The following FAM174A variants were observed in gnomAD, a reference collection of about 807,000 sequenced individuals.
FAM174A encodes the protein family with sequence similarity 174 member A.
In FAM174A, 14 loss-of-function variants were observed where a neutral mutation model predicts 14.3. That is an observed-to-expected ratio of 0.98 (90% CI 0.65 to 1.53). The LOEUF (loss-of-function observed/expected upper bound fraction) is 1.53, where lower values mean the gene tolerates loss of function less well. FAM174A is among the 40% of genes most tolerant of loss of function. FAM174A has a pLI of 0.00. For missense variants in FAM174A, 241 were observed against 249.6 expected (o/e 0.97, Z 0.23); for synonymous variants, 108 against 111.4 (o/e 0.97, Z 0.19).
At chr5:100,573,962 T>C (rs933163636) in intron 2 of FAM174A, among the ~76,000 whole-genome samples, 1 of 152,138 alleles carries the variant, frequency 6.6e-6, no homozygotes, top group Non-Finnish European at 1.5e-5. Flanking sequence ...CCTGAGGGTT[T>C]TTTTTTCTTA....
intron 2 of FAM174A, among the ~76,000 whole-genome samples, chr5:100,578,344 T>C (rs1746943128): frequency 6.6e-6 from 1 of 152,176 alleles, no homozygotes; most frequent in Non-Finnish European, 1.5e-5. Context: ...CCAATTTGCC[T>C]GCCAAATAAT....
rs1473061860 is a variant in FAM174A, at chr5:100,535,703, C to T, written c.173C>T (p.Pro58Leu). The T allele has an allele frequency of 1.2e-6, 2 of 1,607,674 alleles. No homozygotes were observed. The highest frequency in any genetic ancestry group is 1.7e-6 in the Non-Finnish European group (2 of 1,178,328). The change falls in exon 1 of 3, where the codon CCG becomes CTG. Residue 58 changes from proline to leucine, a missense_variant. Transcript: ENST00000312637. ...PRPRTLPPLP[P>L]GPTPAQQPGR... is the part of the protein sequence containing the mutation. ...CCACGGACATTACCGCCGCTGCCAC[C>T]GGGCCCTACCCCTGCCCAGCAGCCG...
intron 2 of FAM174A, among the ~76,000 whole-genome samples, chr5:100,572,484 G>A (rs372496575): frequency 2.1e-5 from 3 of 142,642 alleles, no homozygotes; most frequent in East Asian, 4.1e-4. Flanking sequence ...TCCCACCTAT[G>A]AGTGAGAATA....
chr5:100,559,200 T>C (rs932713482), intron 1 of FAM174A, among the ~76,000 whole-genome samples: 2 of 152,184 alleles, frequency 1.3e-5, no homozygotes, highest in African/African-American at 4.8e-5. Flanking sequence ...TTTATGAAGC[T>C]TAGTTTGGCT....
At chr5:100,553,596 A>T (rs1391453871) in intron 1 of FAM174A, among the ~76,000 whole-genome samples, 2 of 152,224 alleles carry the variant, frequency 1.3e-5, no homozygotes, top group East Asian at 3.9e-4. Flanking sequence ...TACATATACT[A>T]AAACAGTAAA....
intron 2 of FAM174A, among the ~76,000 whole-genome samples, chr5:100,574,073 C>A (rs544321956): frequency 1.3e-5 from 2 of 152,244 alleles, no homozygotes; most frequent in South Asian, 4.1e-4. Flanking sequence ...ATAAACCAAT[C>A]ATTATTTTTA....
chr5:100,535,708 C>G lies in FAM174A; in HGVS notation c.178C>G (p.Pro60Ala), dbSNP rs779806256. 6.2e-7 allele frequency: 1 copy of G among 1,607,206 alleles called. No individual in the cohort carries two copies. The highest frequency in any genetic ancestry group is 8.5e-7 in the Non-Finnish European group (1 of 1,178,138). ...PRTLPPLPPG[P>A]TPAQQPGRGL... is the part of the protein sequence containing the mutation. Reference sequence around the variant, plus strand: ...GACATTACCGCCGCTGCCACCGGGCCCTACCCCTGCCCAGCAGCCGGGCCG... The same window carrying G: ...GACATTACCGCCGCTGCCACCGGGCGCTACCCCTGCCCAGCAGCCGGGCCG... Residue 60 changes from proline to alanine, a missense_variant, in exon 1 of 3, where the codon CCT becomes GCT. By Grantham distance (27) the Pro-to-Ala change is conservative. Transcript: ENST00000312637.
chr5:100,540,658 C>CT (rs145585039), intron 1 of FAM174A, among the ~76,000 whole-genome samples: 2,907 of 152,190 alleles, frequency 0.019, 168 homozygotes, highest in Admixed American at 0.12. Flanking sequence ...AGTTAGTTTG[C>CT]TATGTGGTCA....
intron 1 of FAM174A, among the ~76,000 whole-genome samples, chr5:100,543,398 G>A (rs1336274749): frequency 6.6e-6 from 1 of 152,178 alleles, no homozygotes; most frequent in African/African-American, 2.4e-5. Flanking sequence ...GATTACAGGT[G>A]TGAGCCACTT....
chr5:100,537,565 G>A (rs916374847), intron 1 of FAM174A, among the ~76,000 whole-genome samples: 2 of 152,124 alleles, frequency 1.3e-5, no homozygotes, highest in Non-Finnish European at 1.5e-5. Flanking sequence ...AACAGCAGGC[G>A]TAAGCAATAT....
intron 2 of FAM174A, among the ~76,000 whole-genome samples, chr5:100,583,984 C>G (rs1335871857): frequency 6.6e-6 from 1 of 152,164 alleles, no homozygotes; most frequent in South Asian, 2.1e-4. Flanking sequence ...CACTTCAATG[C>G]CTTCAGTGTT....
chr5:100,556,740 G>A (rs115999549), intron 1 of FAM174A, among the ~76,000 whole-genome samples: 5,349 of 152,180 alleles, frequency 0.035, 149 homozygotes, highest in Non-Finnish European at 0.052. Flanking sequence ...TTGGCTGTCC[G>A]TTTGTCTGTT....
At chr5:100,569,159 C>A (rs1215544785) in intron 2 of FAM174A, among the ~76,000 whole-genome samples, 1 of 151,758 alleles carries the variant, frequency 6.6e-6, no homozygotes, top group Non-Finnish European at 1.5e-5. Context: ...TAAAAGTTGA[C>A]AGAAACATGT....
Position 100,535,621 on chromosome 5 carries a change from G to C in FAM174A, c.91G>C (p.Ala31Pro). The change falls in exon 1 of 3, where the codon GCA becomes CCA. Residue 31 changes from alanine (A) to proline (P), a missense_variant. Physicochemically the swap from Ala to Pro is conservative, Grantham distance 27. Coordinates refer to ENST00000312637, the MANE Select transcript of FAM174A (RefSeq NM_198507.3). ...LLLPELSGPL[A>P]VLLQAAEAAP... ...GCTGCCTGAACTAAGCGGGCCCCTG[G>C]CAGTCCTGCTGCAGGCAGCCGAGGC... 7 of 1,613,220 alleles carry C rather than the reference G, an allele frequency of 4.3e-6. No homozygotes were observed. Among genetic ancestry groups the C allele is most frequent in the Non-Finnish European group, 5.9e-6 (7 of 1,179,948 alleles).
At chr5:100,584,638 G>T (rs1747091290) in intron 2 of FAM174A, among the ~76,000 whole-genome samples, 1 of 151,894 alleles carries the variant, frequency 6.6e-6, no homozygotes, top group African/African-American at 2.4e-5. Context: ...GAGTCTGTAG[G>T]TTTGCATTTC....
chr5:100,566,159 T>G (rs910594988), intron 2 of FAM174A, among the ~76,000 whole-genome samples: 7 of 136,992 alleles, frequency 5.1e-5, no homozygotes, highest in Admixed American at 1.5e-4. Flanking sequence ...TATATATATA[T>G]ATATATATAT....
chr5:100,568,007 G>C (rs929535313), intron 2 of FAM174A, among the ~76,000 whole-genome samples: 1 of 151,882 alleles, frequency 6.6e-6, no homozygotes, highest in Admixed American at 6.6e-5. Context: ...ATTCTTGCCT[G>C]ATCTAATCTT....
chr5:100,581,126 C>T (rs1389152883), intron 2 of FAM174A, among the ~76,000 whole-genome samples: 1 of 152,002 alleles, frequency 6.6e-6, no homozygotes, highest in East Asian at 1.9e-4. Context: ...GGCGGGGTTT[C>T]ACCATGTTGG....
intron 2 of FAM174A, among the ~76,000 whole-genome samples, chr5:100,574,398 G>A (rs779632440): frequency 2.1e-4 from 32 of 151,984 alleles, no homozygotes; most frequent in Non-Finnish European, 3.4e-4. Flanking sequence ...TTGTTGGCCA[G>A]GCTGGTCTCA....
Sources: gnomAD v4.1 joint callset for allele counts (sites outside exome capture counted in the v4.1 genomes callset) on GRCh38, gnomAD v4.1.1 for gene constraint, MANE v1.5 for transcripts, NCBI Gene and HGNC (gene_info 2026-07-23, HGNC 2026-07-21) for gene names.